RBFOX1: variants seen among roughly 807,000 people sequenced by gnomAD.
RBFOX1 encodes the protein RNA binding protein fox-1 homolog 1.
In RBFOX1, 8 loss-of-function variants were observed where a neutral mutation model predicts 57.7. The ratio of observed to expected loss-of-function variants is 0.14; its 90% confidence interval spans 0.08 to 0.25. The LOEUF (loss-of-function observed/expected upper bound fraction) is 0.25. RBFOX1 is among the 10% of genes least tolerant of loss of function. RBFOX1 has a pLI of 1.00. For missense variants in RBFOX1, 611 were observed against 548.5 expected (o/e 1.11, Z -1.14); for synonymous variants, 326 against 222.4 (o/e 1.47, Z -4.15).
chr16:6,526,885 A>G (rs1466266424), intron 2 of RBFOX1, among the ~76,000 whole-genome samples: 1 of 149,960 alleles, frequency 6.7e-6, no homozygotes, highest in Non-Finnish European at 1.5e-5. Flanking sequence ...AAATACTCTA[A>G]GAGGTAGGTA....
At chr16:6,984,927 C>T (rs1015436247) in intron 3 of RBFOX1, among the ~76,000 whole-genome samples, 1 of 152,134 alleles carries the variant, frequency 6.6e-6, no homozygotes, top group African/African-American at 2.4e-5. Flanking sequence ...AGGTATGAGA[C>T]ATTGCACCCG....
intron 3 of RBFOX1, among the ~76,000 whole-genome samples, chr16:6,939,845 G>T (rs1374405301): frequency 6.6e-6 from 1 of 152,094 alleles, no homozygotes; most frequent in Non-Finnish European, 1.5e-5. Context: ...CATATAGCTG[G>T]TGGAAGATAC....
intron 3 of RBFOX1, among the ~76,000 whole-genome samples, chr16:6,883,417 T>G (rs1161881143): frequency 1.3e-5 from 2 of 152,190 alleles, no homozygotes; most frequent in African/African-American, 2.4e-5. Context: ...TCAACTTAAT[T>G]AATGTGTTGG....
chr16:6,864,210 C>G (rs527597117), intron 3 of RBFOX1, among the ~76,000 whole-genome samples: 2 of 152,052 alleles, frequency 1.3e-5, no homozygotes, highest in African/African-American at 2.4e-5. Context: ...CTTTTTTCTT[C>G]TATGTCACTG....
intron 4 of RBFOX1, among the ~76,000 whole-genome samples, chr16:5,970,984 C>T (rs1217641680): frequency 6.6e-6 from 1 of 152,192 alleles, no homozygotes; most frequent in Admixed American, 6.5e-5. Flanking sequence ...CCATCTCATT[C>T]CACAAGGAGA....
At chr16:6,328,958 A>C (rs1335070567) in intron 2 of RBFOX1, among the ~76,000 whole-genome samples, 1 of 152,292 alleles carries the variant, frequency 6.6e-6, no homozygotes, top group East Asian at 1.9e-4. Context: ...TCAGATGTCT[A>C]TGTGAAAGAA....
chr16:6,916,623 G>C (rs532380437), intron 3 of RBFOX1, among the ~76,000 whole-genome samples: 2 of 151,976 alleles, frequency 1.3e-5, no homozygotes, highest in Admixed American at 6.6e-5. Context: ...GCTATTGGCC[G>C]TTCTGGCTTG....
At chr16:5,619,655 G>A (rs2048145149) in intron 3 of RBFOX1, among the ~76,000 whole-genome samples, 2 of 152,178 alleles carry the variant, frequency 1.3e-5, no homozygotes, top group Admixed American at 6.5e-5. Flanking sequence ...GTGGCAAAGA[G>A]GGGGGCCTGC....
chr16:5,295,734 C>T (rs1416241530), intron 1 of RBFOX1, among the ~76,000 whole-genome samples: 1 of 152,174 alleles, frequency 6.6e-6, no homozygotes. Flanking sequence ...TCACTACATC[C>T]CATCACCTCT....
At chr16:7,000,136 A>C (rs1364496816) in intron 3 of RBFOX1, among the ~76,000 whole-genome samples, 6 of 152,098 alleles carry the variant, frequency 3.9e-5, no homozygotes, top group Admixed American at 2.6e-4. Context: ...TAAAGTTTTC[A>C]GTACTTACAA....
At chr16:5,816,762 TA>T (rs1180979897) in intron 3 of RBFOX1, among the ~76,000 whole-genome samples, 2 of 152,136 alleles carry the variant, frequency 1.3e-5, no homozygotes, top group Non-Finnish European at 2.9e-5. Flanking sequence ...CTAGCCTGGG[TA>T]ACAGTGAGAC....
intron 3 of RBFOX1, among the ~76,000 whole-genome samples, chr16:6,784,450 T>C (rs530880356): frequency 8.8e-4 from 134 of 152,284 alleles, no homozygotes; most frequent in Admixed American, 2.2e-3. Context: ...CTCTGCAATT[T>C]CTGTTTGATT....
chr16:6,483,806 C>T, intron 2 of RBFOX1: 4 of 1,366,758 alleles, frequency 2.9e-6, no homozygotes, highest in Non-Finnish European at 3.8e-6. Flanking sequence ...GCGTGTGCGC[C>T]TCCGGGGCTG....
chr16:5,993,688 T>C (rs2060445016), intron 4 of RBFOX1, among the ~76,000 whole-genome samples: 1 of 152,208 alleles, frequency 6.6e-6, no homozygotes, highest in Non-Finnish European at 1.5e-5. Context: ...CAGTGAGTTG[T>C]GTCGCTGCAT....
intron 4 of RBFOX1, among the ~76,000 whole-genome samples, chr16:7,234,880 C>T (rs962175187): frequency 3.3e-5 from 5 of 151,894 alleles, no homozygotes; most frequent in African/African-American, 1.2e-4. Flanking sequence ...TTTGTATGTC[C>T]CATAAGAATT....
chr16:6,889,611 A>T (rs566030315), intron 3 of RBFOX1, among the ~76,000 whole-genome samples: 2 of 152,204 alleles, frequency 1.3e-5, no homozygotes, highest in East Asian at 3.9e-4. Flanking sequence ...TTGTGGAGGA[A>T]GGGAAGAGTG....
chr16:7,545,213 T>G (rs1278742669), intron 5 of RBFOX1, among the ~76,000 whole-genome samples: 1 of 152,118 alleles, frequency 6.6e-6, no homozygotes, highest in Non-Finnish European at 1.5e-5. Context: ...AAAGGTTGTT[T>G]TTGTGGAGAT....
At chr16:6,485,157 C>G (rs941051507) in intron 2 of RBFOX1, among the ~76,000 whole-genome samples, 1 of 152,032 alleles carries the variant, frequency 6.6e-6, no homozygotes, top group Non-Finnish European at 1.5e-5. Flanking sequence ...CAGCTGCTTG[C>G]CACTCAGGCT....
chr16:6,549,626 G>C (rs112638796), intron 2 of RBFOX1, among the ~76,000 whole-genome samples: 2 of 151,816 alleles, frequency 1.3e-5, no homozygotes, highest in Admixed American at 6.6e-5. Flanking sequence ...TGTAGGGAAG[G>C]CTTTGATTGG....
Sources: gnomAD v4.1 joint callset for allele counts (sites outside exome capture counted in the v4.1 genomes callset) on GRCh38, gnomAD v4.1.1 for gene constraint, MANE v1.5 for transcripts, NCBI Gene and HGNC (gene_info 2026-07-23, HGNC 2026-07-21) for gene names.